The following ARHGAP31 variants were observed in gnomAD, a reference collection of about 807,000 sequenced individuals.
ARHGAP31 encodes the protein Rho GTPase activating protein 31, also known as rho GTPase-activating protein 31.
Under a neutral mutation model 113.9 loss-of-function variants are expected in ARHGAP31, and 34 were observed. The observed-to-expected ratio is 0.30, with a 90% CI of 0.23 to 0.40. The LOEUF is 0.40. Ranked by LOEUF, ARHGAP31 falls within the 10% of genes least tolerant of loss-of-function variation. The pLI is 1.00. For missense variants in ARHGAP31, 1,548 were observed against 1,767.1 expected (o/e 0.88, Z 2.22); for synonymous variants, 650 against 684.8 (o/e 0.95, Z 0.79).
At position 119,383,066 on chromosome 3, in the gene ARHGAP31, G is replaced by A; in HGVS notation, c.540-18G>A. 1.9e-6 allele frequency: 3 copies of A among 1,613,902 alleles called. No homozygotes were observed. Among genetic ancestry groups the A allele is most frequent in the South Asian group, 1.1e-5 (1 of 91,064 alleles). On this transcript the variant is annotated intron_variant, in intron 5 of 11. Coordinates refer to ENST00000264245, the MANE Select transcript of ARHGAP31 (RefSeq NM_020754.4). The stretch of plus-strand genomic sequence containing the variant: ...TAAGGCAAACTCACTAACTGAATAT[G>A]TTTCTTCCACACGGTAGGTCTAAAG...
At chr3:119,390,051 G>A (rs770994249) in intron 6 of ARHGAP31, among the ~76,000 whole-genome samples, 10 of 152,100 alleles carry the variant, frequency 6.6e-5, no homozygotes, top group Non-Finnish European at 1.3e-4. Context: ...GGGTGTGGAG[G>A]GGAGTGGTAC....
At chr3:119,295,064 G>C in intron 1 of ARHGAP31, 60 bp downstream of exon 1, 1 of 1,493,824 alleles carries the variant, frequency 6.7e-7, no homozygotes, top group Admixed American at 1.7e-5. Context: ...GGGAGAGACG[G>C]ACTCTCTCGA....
chr3:119,346,849 G>A (rs1000146318), intron 1 of ARHGAP31, among the ~76,000 whole-genome samples: 24 of 152,176 alleles, frequency 1.6e-4, no homozygotes, highest in African/African-American at 5.1e-4. Flanking sequence ...CAAGCTGGGT[G>A]ACCTTGGATA....
At chr3:119,413,811 C>A in intron 11 of ARHGAP31, 45 bp from the exon 12 acceptor site, 1 of 1,614,014 alleles carries the variant, frequency 6.2e-7, no homozygotes, top group South Asian at 1.1e-5. Context: ...TGTCAGCACC[C>A]AGAGTACTTA....
rs1315558122 is a variant in ARHGAP31, at chr3:119,416,690, T to C, written c.*426T>C. Reference sequence around the variant, plus strand: ...AACCTCAAAATGTTGCTATTGGGGTTAGAAGGCCTCCTCTTTATGCTTTTT... The same window carrying C: ...AACCTCAAAATGTTGCTATTGGGGTCAGAAGGCCTCCTCTTTATGCTTTTT... On this transcript the variant is annotated 3_prime_UTR_variant, in exon 12 of 12. Transcript: ENST00000264245. The C allele has an allele frequency of 3.7e-6, 1 of 272,418 alleles. No homozygotes were observed. Among genetic ancestry groups the C allele is most frequent in the Non-Finnish European group, 7.1e-6 (1 of 141,048 alleles). 16.9% of individuals were successfully genotyped at this position (272,418 alleles called of 1,614,324 possible). A position where few individuals can be genotyped will look rare whatever the true frequency, so the allele number is the denominator to read the frequency against.
Position 119,415,046 on chromosome 3 carries a change from C to T in ARHGAP31, c.3117C>T (p.Ser1039=), listed in dbSNP as rs1338354101. Residue 1039 remains serine (S), a synonymous_variant, in exon 12 of 12, where the codon AGC becomes AGT. Coordinates refer to ENST00000264245, the MANE Select transcript of ARHGAP31 (RefSeq NM_020754.4). ...ACCCAGCAGAAACCAGCCCCATCAG[C>T]CTAGCAGAGGGAAAGGAGCTAGGGA... The part of the protein sequence containing the change: ...QPNPAETSPI[S]LAEGKELGTH... The T allele has an allele frequency of 1.9e-6, 3 of 1,614,008 alleles. No homozygotes were observed. The highest frequency in any genetic ancestry group is 1.3e-5 in the African/African-American group (1 of 74,886).
intron 1 of ARHGAP31, among the ~76,000 whole-genome samples, chr3:119,313,140 A>G (rs953440783): frequency 2.0e-5 from 3 of 152,222 alleles, no homozygotes; most frequent in Admixed American, 1.3e-4. Context: ...TTCAAATCAG[A>G]TATCACATTA....
At position 119,332,604 on chromosome 3, in the gene ARHGAP31, T is replaced by TC. The variant is rs1205334200; in HGVS notation, c.101-32712_101-32711insC. Among the ~76,000 whole-genome samples, 30 of 105,904 alleles carry TC rather than the reference T, an allele frequency of 2.8e-4. No individual in the cohort carries two copies. The East Asian group carries it at 4.6e-3, about 16-fold the overall frequency. The allele number at this position is 105,904 out of a possible 152,430, so 69.5% of individuals were successfully genotyped here. A position where few individuals can be genotyped will look rare whatever the true frequency, so the allele number is the denominator to read the frequency against. On this transcript the variant is annotated intron_variant, in intron 1 of 11. Coordinates refer to ENST00000264245, the MANE Select transcript of ARHGAP31 (RefSeq NM_020754.4). ...CAGGGATCTCTTTCTCTCTCTCTCT[T>TC]TCTCTCTCTCTCTCTCTCTCTCTCT... is the stretch of plus-strand genomic sequence containing the variant.
intron 7 of ARHGAP31, among the ~76,000 whole-genome samples, chr3:119,393,087 T>C (rs2080519483): frequency 6.6e-6 from 1 of 152,158 alleles, no homozygotes; most frequent in African/African-American, 2.4e-5. Flanking sequence ...TATAAATGAA[T>C]AAAATGAATG....
At chr3:119,336,888 G>A (rs944105501) in intron 1 of ARHGAP31, among the ~76,000 whole-genome samples, 1 of 152,122 alleles carries the variant, frequency 6.6e-6, no homozygotes, top group Non-Finnish European at 1.5e-5. Context: ...GTCTATGCTG[G>A]ACACTTCATA....
chr3:119,352,682 T>C (rs1196768839), intron 1 of ARHGAP31, among the ~76,000 whole-genome samples: 1 of 152,176 alleles, frequency 6.6e-6, no homozygotes, highest in Non-Finnish European at 1.5e-5. Context: ...ATGAGGAAGC[T>C]GAAGGTCTAG....
chr3:119,412,759 C>T (rs1161285654), intron 11 of ARHGAP31, among the ~76,000 whole-genome samples: 2 of 152,178 alleles, frequency 1.3e-5, no homozygotes, highest in Non-Finnish European at 2.9e-5. Context: ...CGTGGTGGCT[C>T]ACACCTGTAA....
chr3:119,301,243 G>A (rs769992074), intron 1 of ARHGAP31, among the ~76,000 whole-genome samples: 18 of 152,264 alleles, frequency 1.2e-4, no homozygotes, highest in Non-Finnish European at 1.8e-4. Context: ...CGCACTGGCC[G>A]CCATCCAGAT....
chr3:119,378,567 G>A (rs537531245), intron 3 of ARHGAP31, among the ~76,000 whole-genome samples: 3 of 152,300 alleles, frequency 2.0e-5, no homozygotes, highest in African/African-American at 7.2e-5. Context: ...GTGGTACAAC[G>A]TTTGTGAAGC....
rs1036736187 is a variant in ARHGAP31, at chr3:119,380,945, A to G, written c.390A>G (p.Arg130=). 1.2e-6 allele frequency: 2 copies of G among 1,614,204 alleles called. No individual in the cohort carries two copies. The highest frequency in any genetic ancestry group is 1.7e-6 in the Non-Finnish European group (2 of 1,180,014). The change falls in exon 4 of 12, where the codon CGA becomes CGG. Residue 130 remains arginine, a synonymous_variant. Coordinates refer to ENST00000264245, the MANE Select transcript of ARHGAP31 (RefSeq NM_020754.4). ...SHCPEEGQLA[R]IQNVIQELPP... ...GCCCTGAAGAAGGCCAACTGGCCCG[A>G]ATCCAAAATGTTATCCAGGAGCTTC...
intron 1 of ARHGAP31, among the ~76,000 whole-genome samples, chr3:119,308,774 A>T (rs2079652895): frequency 1.3e-5 from 2 of 152,196 alleles, no homozygotes; most frequent in Admixed American, 1.3e-4. Context: ...GCACTGGGCA[A>T]ATTGCCCATA....
intron 8 of ARHGAP31, among the ~76,000 whole-genome samples, chr3:119,396,855 G>C (rs1232284042): frequency 6.6e-6 from 1 of 152,130 alleles, no homozygotes; most frequent in Non-Finnish European, 1.5e-5. Flanking sequence ...ATGGAGAACT[G>C]AATTAAGATG....
chr3:119,416,720 C>A lies in ARHGAP31; in HGVS notation c.*456C>A, dbSNP rs1298718571. On this transcript the variant is annotated 3_prime_UTR_variant, in exon 12 of 12. Transcript: ENST00000264245. The stretch of plus-strand genomic sequence containing the variant: ...GGCCTCCTCTTTATGCTTTTTAATG[C>A]TCTTTCAAACGTGTTCTTTTAGACC... 1 of 231,016 alleles carries A rather than the reference C, an allele frequency of 4.3e-6. No homozygotes were observed. Among genetic ancestry groups the A allele is most frequent in the Non-Finnish European group, 8.6e-6 (1 of 116,630 alleles). The allele number at this position is 231,016 out of a possible 1,614,324, so 14.3% of individuals were successfully genotyped here.
chr3:119,368,742 G>A (rs551152470), intron 3 of ARHGAP31, among the ~76,000 whole-genome samples: 2 of 152,298 alleles, frequency 1.3e-5, no homozygotes, highest in African/African-American at 4.8e-5. Context: ...TAAGAGCTGG[G>A]TTGAATTATC....
Sources: allele counts gnomAD v4.1 joint callset (sites outside exome capture counted in the v4.1 genomes callset), GRCh38; gene constraint gnomAD v4.1.1; transcripts MANE v1.5; gene names NCBI Gene and HGNC (gene_info 2026-07-23, HGNC 2026-07-21).